CNRIP1: variants seen among roughly 807,000 people sequenced by gnomAD.
CNRIP1 encodes cannabinoid receptor interacting protein 1, also known as CB1 cannabinoid receptor-interacting protein 1.
In CNRIP1, 10 loss-of-function variants were observed where a neutral mutation model predicts 15.2. The observed-to-expected ratio is 0.66, with a 90% confidence interval of 0.41 to 1.12. CNRIP1 has a LOEUF of 1.12. Among genes scored for constraint, CNRIP1 ranks in the 50% most tolerant of loss-of-function variants. The probability of loss-of-function intolerance (pLI) is 0.00; values close to 1 mark genes in which losing one functional copy is unlikely to be tolerated. For missense variants in CNRIP1, 211 were observed against 214.7 expected (o/e 0.98, Z 0.11); for synonymous variants, 91 against 83.2 (o/e 1.09, Z -0.51).
intron 2 of CNRIP1, among the ~76,000 whole-genome samples, chr2:68,301,517 C>G (rs1341134513): frequency 6.6e-6 from 1 of 152,094 alleles, no homozygotes; most frequent in Non-Finnish European, 1.5e-5. Flanking sequence ...AGGTCTTAGC[C>G]AGTACCTTAA....
At chr2:68,291,165 G>A (rs544045037), downstream of CNRIP1, among the ~76,000 whole-genome samples, 21 of 152,268 alleles carry the variant, frequency 1.4e-4, no homozygotes, top group East Asian at 9.6e-4. Flanking sequence ...TTAACGTGCA[G>A]ATTAGCTGTT....
At position 68,319,711 on chromosome 2, in the gene CNRIP1, C is replaced by T. The variant is rs574501654; in HGVS notation, c.-311G>A. 6.1e-6 allele frequency: 2 copies of T among 327,832 alleles called. No homozygotes were observed. The highest frequency in any genetic ancestry group is 4.4e-5 in the South Asian group (1 of 22,772). 20.3% of individuals were successfully genotyped at this position (327,832 alleles called of 1,614,324 possible). A position where few individuals can be genotyped will look rare whatever the true frequency, so the allele number is the denominator to read the frequency against. Reference sequence around the variant, plus strand: ...CACGCACCCGAAGGCTCGCTCTGGCCCGCAGGCCGCCGCGCAGATCCGCGC... The same window carrying T: ...CACGCACCCGAAGGCTCGCTCTGGCTCGCAGGCCGCCGCGCAGATCCGCGC... On this transcript the variant is annotated 5_prime_UTR_variant, in exon 1 of 3. Transcript: ENST00000263655.
At chr2:68,305,509 A>G (rs1671799796) in intron 2 of CNRIP1, among the ~76,000 whole-genome samples, 1 of 151,650 alleles carries the variant, frequency 6.6e-6, no homozygotes, top group Non-Finnish European at 1.5e-5. Context: ...TTAAAACTGG[A>G]AGTAGGCCGG....
At chr2:68,306,516 C>A (rs1671851858) in intron 2 of CNRIP1, among the ~76,000 whole-genome samples, 2 of 152,130 alleles carry the variant, frequency 1.3e-5, no homozygotes, top group African/African-American at 4.8e-5. Context: ...CACAGTGGCT[C>A]ACGCCAGTAA....
chr2:68,309,335 T>C (rs868146138), intron 2 of CNRIP1, among the ~76,000 whole-genome samples: 5 of 152,310 alleles, frequency 3.3e-5, no homozygotes, highest in African/African-American at 1.2e-4. Flanking sequence ...AAGGCAAAAG[T>C]CATGTGCTAA....
intron 2 of CNRIP1, among the ~76,000 whole-genome samples, chr2:68,310,408 C>T (rs60266038): frequency 0.013 from 1,933 of 152,228 alleles, 49 homozygotes; most frequent in African/African-American, 0.043. Context: ...CCAAAAATCT[C>T]AGTATAAGCT....
chr2:68,290,565 A>C (rs75601930), downstream of CNRIP1, among the ~76,000 whole-genome samples: 1,211 of 152,264 alleles, frequency 8.0e-3, 15 homozygotes, highest in African/African-American at 0.028. Flanking sequence ...CTGAAAAAAA[A>C]AGAATATTTT....
chr2:68,294,071 C>T (rs548163026), intron 2 of CNRIP1, 45 bp from the exon 3 acceptor site: 25 of 1,589,148 alleles, frequency 1.6e-5, no homozygotes, highest in South Asian at 2.2e-5. Flanking sequence ...CATTCTGCCA[C>T]GAGCAATAGA....
chr2:68,293,276 A>C lies in CNRIP1; in HGVS notation c.*586T>G. The C allele has an allele frequency of 2.0e-6, 2 of 985,944 alleles. No individual in the cohort carries two copies. The highest frequency in any genetic ancestry group is 2.4e-6 in the Non-Finnish European group (2 of 830,252). The allele number at this position is 985,944 out of a possible 1,614,324, so 61.1% of individuals were successfully genotyped here. On this transcript the variant is annotated 3_prime_UTR_variant, in exon 3 of 3. Coordinates refer to ENST00000263655, the MANE Select transcript of CNRIP1 (RefSeq NM_015463.3). The stretch of plus-strand genomic sequence containing the variant: ...GTTTTAATACGTTATAAATACGTAC[A>C]TATTTGTCCTTCTAGTTTGTTACCA...
At chr2:68,291,396 G>A (rs1671165093), downstream of CNRIP1, among the ~76,000 whole-genome samples, 1 of 151,772 alleles carries the variant, frequency 6.6e-6, no homozygotes, top group African/African-American at 2.4e-5. Context: ...TAAGCAAACT[G>A]AGGCAGAGAA....
At chr2:68,312,055 GA>G (rs1248661487) in intron 2 of CNRIP1, among the ~76,000 whole-genome samples, 1 of 151,998 alleles carries the variant, frequency 6.6e-6, no homozygotes, top group East Asian at 1.9e-4. Context: ...CTGACATTAA[GA>G]AAAATATCAT....
chr2:68,298,741 A>C (rs1030237397), intron 2 of CNRIP1, among the ~76,000 whole-genome samples: 1 of 152,148 alleles, frequency 6.6e-6, no homozygotes, highest in African/African-American at 2.4e-5. Flanking sequence ...TATACTTCTC[A>C]TTAGCCGTCT....
At chr2:68,308,054 G>C (rs142960192) in intron 2 of CNRIP1, among the ~76,000 whole-genome samples, 1 of 152,058 alleles carries the variant, frequency 6.6e-6, no homozygotes, top group Non-Finnish European at 1.5e-5. Context: ...TTGGCTTGGC[G>C]TGGTGGCATG....
chr2:68,312,423 A>T (rs1672126998), intron 2 of CNRIP1, among the ~76,000 whole-genome samples: 2 of 152,158 alleles, frequency 1.3e-5, no homozygotes, highest in South Asian at 2.1e-4. Context: ...GTTCATGATT[A>T]AAAAAACATT....
rs981521523 is a variant in CNRIP1 at position 68,319,822 on chromosome 2, G to A, written c.-422C>T. The A allele has an allele frequency of 6.3e-6, 1 of 158,164 alleles. No homozygotes were observed. The highest frequency in any genetic ancestry group is 2.4e-5 in the African/African-American group (1 of 41,578). The allele number at this position is 158,164 out of a possible 1,614,324, so 9.8% of individuals were successfully genotyped here. A position where few individuals can be genotyped will look rare whatever the true frequency, so the allele number is the denominator to read the frequency against. ...GGACATTTAGGCTCCTCCTAGAACA[G>A]CCCCGGGCAGGAGGAGGAGAGGTTT... On this transcript the variant is annotated 5_prime_UTR_variant, in exon 1 of 3. Transcript: ENST00000263655.
In CNRIP1 at chr2:68,319,188, G is replaced by A. The variant is rs781630936; in HGVS notation, c.179+34C>T. Reference sequence around the variant, plus strand: ...TCAGTCCTCTGCCTGTACCCCATGGGGGACCCTGCTGCCACCAGGCGCCCC... The same window carrying A: ...TCAGTCCTCTGCCTGTACCCCATGGAGGACCCTGCTGCCACCAGGCGCCCC... On this transcript the variant is annotated intron_variant, in intron 1 of 2. Coordinates refer to ENST00000263655, the MANE Select transcript of CNRIP1 (RefSeq NM_015463.3). 1.4e-5 allele frequency: 21 copies of A among 1,514,548 alleles called. No homozygotes were observed. In the South Asian group the frequency reaches 2.4e-4, roughly 17 times the overall value. 93.8% of individuals were successfully genotyped at this position (1,514,548 alleles called of 1,614,324 possible). A position where few individuals can be genotyped will look rare whatever the true frequency, so the allele number is the denominator to read the frequency against.
chr2:68,314,172 A>C (rs547312725), intron 2 of CNRIP1, among the ~76,000 whole-genome samples: 1 of 152,232 alleles, frequency 6.6e-6, no homozygotes, highest in South Asian at 2.1e-4. Context: ...TGTATAAAGT[A>C]TGTTTCCACC....
At chr2:68,310,516 C>A (rs1436255789) in intron 2 of CNRIP1, among the ~76,000 whole-genome samples, 1 of 152,140 alleles carries the variant, frequency 6.6e-6, no homozygotes, top group African/African-American at 2.4e-5. Context: ...GCAAAGAGAT[C>A]AGCTGCTGCA....
chr2:68,290,072 A>G (rs2103881430), downstream of CNRIP1, among the ~76,000 whole-genome samples: 1 of 125,584 alleles, frequency 8.0e-6, no homozygotes, highest in East Asian at 2.5e-4. Flanking sequence ...TCTGAAGCCC[A>G]GGCTGGAGTG....
Sources: gnomAD v4.1 joint callset for allele counts (sites outside exome capture counted in the v4.1 genomes callset) on GRCh38, gnomAD v4.1.1 for gene constraint, MANE v1.5 for transcripts, NCBI Gene and HGNC (gene_info 2026-07-23, HGNC 2026-07-21) for gene names.